The following ANO5 variants were observed in gnomAD, a reference collection of about 807,000 sequenced individuals.
ANO5 encodes the protein anoctamin 5.
ANO5 carries 109 observed loss-of-function variants against 121.0 expected under a neutral mutation model. That is an observed-to-expected ratio of 0.90 (90% confidence interval 0.77 to 1.06). ANO5 has a LOEUF of 1.06. Among genes scored for constraint, ANO5 ranks in the 50% least tolerant of loss-of-function variants. ANO5 has a pLI of 0.00. For synonymous variants in ANO5, 406 were observed against 359.9 expected, an observed-to-expected ratio of 1.13 and a Z score of -1.45; for missense variants, 1,064 against 1,078.5, an observed-to-expected ratio of 0.99 and a Z score of 0.19.
At chr11:22,192,771 AC>A (rs1334528856), upstream of ANO5, among the ~76,000 whole-genome samples, 1 of 152,142 alleles carries the variant, frequency 6.6e-6, no homozygotes, top group East Asian at 1.9e-4. Context: ...TCGTGGGTGG[AC>A]CCAGTGGAAA....
chr11:22,245,157 G>A (rs2133685983), intron 9 of ANO5, among the ~76,000 whole-genome samples: 1 of 152,218 alleles, frequency 6.6e-6, no homozygotes, highest in African/African-American at 2.4e-5. Flanking sequence ...GTTGTAATTT[G>A]GTTTACTATC....
At chr11:22,195,982 G>A (rs898584447) in intron 1 of ANO5, among the ~76,000 whole-genome samples, 1 of 152,114 alleles carries the variant, frequency 6.6e-6, no homozygotes, top group Admixed American at 6.5e-5. Context: ...CATAGTTCAG[G>A]CCACTCATAT....
At chr11:22,267,508 T>TTATATATATATATATATA (rs567878499) in intron 17 of ANO5, among the ~76,000 whole-genome samples, 1 of 126,064 alleles carries the variant, frequency 7.9e-6, no homozygotes, top group African/African-American at 4.7e-5. Flanking sequence ...ATATCTACAA[T>TTATATATATATATATATA]TATATATATA....
At chr11:22,194,720 C>CGTAGAT (rs1564904744) in intron 1 of ANO5, among the ~76,000 whole-genome samples, 1 of 152,110 alleles carries the variant, frequency 6.6e-6, no homozygotes, top group African/African-American at 2.4e-5. Flanking sequence ...GCTTCTTTCT[C>CGTAGAT]GTAGATTAAC....
chr11:22,272,719 G>A, intron 18 of ANO5, 65 bp from the exon 19 acceptor site: 2 of 1,446,666 alleles, frequency 1.4e-6, no homozygotes, highest in East Asian at 2.3e-5. Flanking sequence ...AGCAGGATTT[G>A]GGCAGGGTGT....
intron 9 of ANO5, among the ~76,000 whole-genome samples, chr11:22,241,513 G>A (rs972666247): frequency 6.6e-6 from 1 of 151,760 alleles, no homozygotes; most frequent in Non-Finnish European, 1.5e-5. Flanking sequence ...TCCCATCAAC[G>A]GTGTATAAAT....
chr11:22,201,582 AC>A (rs1851965349), intron 1 of ANO5, among the ~76,000 whole-genome samples: 1 of 152,104 alleles, frequency 6.6e-6, no homozygotes, highest in Non-Finnish European at 1.5e-5. Context: ...TAATTTATAA[AC>A]AATAGAAGTT....
intron 4 of ANO5, among the ~76,000 whole-genome samples, chr11:22,220,057 A>G (rs562442374): frequency 1.3e-5 from 2 of 151,978 alleles, no homozygotes; most frequent in South Asian, 2.1e-4. Context: ...GCTTATTTGC[A>G]TATAACTGAT....
chr11:22,236,599 CT>C (rs1191898377), intron 8 of ANO5, among the ~76,000 whole-genome samples: 2 of 152,056 alleles, frequency 1.3e-5, no homozygotes, highest in Non-Finnish European at 2.9e-5. Context: ...TATCTGAGTC[CT>C]TTAGTTCTTT....
At chr11:22,221,604 A>C (rs2133590480) in intron 5 of ANO5, among the ~76,000 whole-genome samples, 1 of 151,922 alleles carries the variant, frequency 6.6e-6, no homozygotes, top group South Asian at 2.1e-4. Context: ...TCTATTCCTG[A>C]TTCTATTTTA....
intron 8 of ANO5, among the ~76,000 whole-genome samples, chr11:22,238,116 G>GGT: frequency 6.6e-6 from 1 of 151,910 alleles, no homozygotes; most frequent in Admixed American, 6.6e-5. Context: ...AGATACAGAG[G>GGT]GCCCACTGTC....
chr11:22,250,663 A>T, intron 10 of ANO5, 78 bp from the exon 11 acceptor site: 1 of 1,361,250 alleles, frequency 7.3e-7, no homozygotes, highest in Non-Finnish European at 1.0e-6. Context: ...TTATATAAGT[A>T]GTTGTTCTAA....
intron 8 of ANO5, among the ~76,000 whole-genome samples, chr11:22,237,266 A>G (rs1853254566): frequency 6.6e-6 from 1 of 152,076 alleles, no homozygotes; most frequent in Admixed American, 6.5e-5. Context: ...CAGCTAAATA[A>G]TTCCCCATTT....
intron 4 of ANO5, among the ~76,000 whole-genome samples, chr11:22,218,709 C>G (rs1225749698): frequency 6.6e-6 from 1 of 151,992 alleles, no homozygotes; most frequent in African/African-American, 2.4e-5. Context: ...CACAGGGGCA[C>G]ACCACCATGC....
rs1064795273 is a variant in ANO5 at position 22,259,745 on chromosome 11, AG to A, written c.1630+5del. 1 of 1,600,616 alleles carries A rather than the reference AG, an allele frequency of 6.2e-7. No individual in the cohort carries two copies. The highest frequency in any genetic ancestry group is 8.6e-7 in the Non-Finnish European group (1 of 1,168,224). ...TCTGCCTGGATCACAAAAATGGGTAAGCTGGCCAAATCATTTGTGTGATTCT... is the reference window on the plus strand; with the variant it reads ...TCTGCCTGGATCACAAAAATGGGTAACTGGCCAAATCATTTGTGTGATTCT... On this transcript the variant is annotated splice_donor_5th_base_variant and intron_variant, in intron 15 of 21. Coordinates refer to ENST00000324559, the MANE Select transcript of ANO5 (RefSeq NM_213599.3).
At chr11:22,234,906 C>G (rs1853164096) in intron 7 of ANO5, among the ~76,000 whole-genome samples, 1 of 152,072 alleles carries the variant, frequency 6.6e-6, no homozygotes, top group Non-Finnish European at 1.5e-5. Context: ...CTTCTCTTCT[C>G]CCTATAGGAA....
At chr11:22,207,474 G>A (rs575545927) in intron 2 of ANO5, among the ~76,000 whole-genome samples, 146 of 152,166 alleles carry the variant, frequency 9.6e-4, no homozygotes, top group Non-Finnish European at 1.5e-3. Context: ...TATATTCATA[G>A]GCAAACTTAT....
intron 1 of ANO5, among the ~76,000 whole-genome samples, chr11:22,194,485 T>C (rs1851748227): frequency 6.6e-6 from 1 of 152,232 alleles, no homozygotes; most frequent in African/African-American, 2.4e-5. Flanking sequence ...ATTCACCTAT[T>C]TGACGTGTAA....
At chr11:22,276,691 G>C (rs939950462) in intron 21 of ANO5, among the ~76,000 whole-genome samples, 1 of 150,584 alleles carries the variant, frequency 6.6e-6, no homozygotes, top group Admixed American at 6.6e-5. Context: ...ACTATATTAT[G>C]CTTCCTCTCT....
Sources: gnomAD v4.1 joint callset for allele counts (sites outside exome capture counted in the v4.1 genomes callset) on GRCh38, gnomAD v4.1.1 for gene constraint, MANE v1.5 for transcripts, NCBI Gene and HGNC (gene_info 2026-07-23, HGNC 2026-07-21) for gene names.